The following SLC22A23 variants were observed in gnomAD, a reference collection of about 807,000 sequenced individuals.
The protein encoded by SLC22A23 is ion transporter protein.
In SLC22A23, 26 loss-of-function variants were observed where a neutral mutation model predicts 61.0. The ratio of observed to expected loss-of-function variants is 0.43; its 90% CI spans 0.31 to 0.59. SLC22A23 has a LOEUF of 0.59. Ranked by LOEUF, SLC22A23 falls within the 20% of genes least tolerant of loss-of-function variation. SLC22A23 has a pLI of 0.11. For missense variants in SLC22A23, 796 were observed against 934.7 expected, an observed-to-expected ratio of 0.85 and a Z score of 1.94; for synonymous variants, 430 against 413.9, an observed-to-expected ratio of 1.04 and a Z score of -0.47.
In SLC22A23 at chr6:3,300,334, G is replaced by C. The variant is rs547968356; in HGVS notation, c.1083-2116C>G. Reference sequence around the variant, plus strand: ...TCAGGAGAGTTTTAAAATGAATCTAGCAGCTAGAAAAAGTATTAATGGTGT... The same window carrying C: ...TCAGGAGAGTTTTAAAATGAATCTACCAGCTAGAAAAAGTATTAATGGTGT... On this transcript the variant is annotated intron_variant, in intron 4 of 9. Transcript: ENST00000406686. Among the ~76,000 whole-genome samples, 4 of 152,212 alleles carry C rather than the reference G, an allele frequency of 2.6e-5. 1 individual carries two copies. The South Asian group carries it at 8.3e-4, about 32-fold the overall frequency.
intron 3 of SLC22A23, among the ~76,000 whole-genome samples, chr6:3,368,500 T>A (rs1037660921): frequency 5.9e-5 from 9 of 152,218 alleles, no homozygotes; most frequent in Admixed American, 5.9e-4. Flanking sequence ...AAAATATTCA[T>A]AAGATTCAGA....
At chr6:3,368,206 C>T (rs1424367686) in intron 3 of SLC22A23, among the ~76,000 whole-genome samples, 1 of 152,170 alleles carries the variant, frequency 6.6e-6, no homozygotes, top group African/African-American at 2.4e-5. Flanking sequence ...GATACGTTCC[C>T]CTCTCCAGCC....
intron 3 of SLC22A23, among the ~76,000 whole-genome samples, chr6:3,406,323 A>C (rs897631297): frequency 6.6e-6 from 1 of 152,186 alleles, no homozygotes; most frequent in South Asian, 2.1e-4. Context: ...TCACAGTGCT[A>C]TATTACCTTG....
At chr6:3,277,890 CAG>C (rs1233901957) in intron 9 of SLC22A23, among the ~76,000 whole-genome samples, 1 of 152,238 alleles carries the variant, frequency 6.6e-6, no homozygotes, top group Non-Finnish European at 1.5e-5. Flanking sequence ...TTCCAAAAGG[CAG>C]ATTCTAGCAG....
At chr6:3,341,974 C>A (rs1419472444) in intron 3 of SLC22A23, among the ~76,000 whole-genome samples, 1 of 152,010 alleles carries the variant, frequency 6.6e-6, no homozygotes. Flanking sequence ...ATCTATATTT[C>A]GATTCATGGA....
chr6:3,314,417 A>G (rs1581675647), intron 4 of SLC22A23, among the ~76,000 whole-genome samples: 1 of 152,276 alleles, frequency 6.6e-6, no homozygotes, highest in East Asian at 1.9e-4. Flanking sequence ...CTTACTAGCC[A>G]TGGGGCGTCA....
chr6:3,444,232 C>T (rs901709614), intron 1 of SLC22A23, among the ~76,000 whole-genome samples: 2 of 152,170 alleles, frequency 1.3e-5, no homozygotes, highest in African/African-American at 4.8e-5. Context: ...CTCTAAATCA[C>T]TTGTGTGGAG....
rs1445476973 is a variant in SLC22A23, at chr6:3,371,256, A to G, written c.913+38932T>C. ...TGCAAACTTTTCCAGAAAGAAAGCC[A>G]AATGGCAAATATTTTAGGTGCTGCA... On this transcript the variant is annotated intron_variant, in intron 3 of 9. Coordinates refer to ENST00000406686, the MANE Select transcript of SLC22A23 (RefSeq NM_015482.2). Among the ~76,000 whole-genome samples, 8 of 152,392 alleles carry G rather than the reference A, an allele frequency of 5.2e-5. No individual in the cohort carries two copies. The East Asian group carries it at 9.6e-4, about 18-fold the overall frequency.
At chr6:3,294,258 T>C (rs907358415) in intron 5 of SLC22A23, among the ~76,000 whole-genome samples, 1 of 151,970 alleles carries the variant, frequency 6.6e-6, no homozygotes, top group Non-Finnish European at 1.5e-5. Flanking sequence ...ACTTTTTGCT[T>C]ATCTTACTAC....
chr6:3,412,788 G>C (rs1446982424), intron 2 of SLC22A23, among the ~76,000 whole-genome samples: 1 of 152,236 alleles, frequency 6.6e-6, no homozygotes, highest in Non-Finnish European at 1.5e-5. Flanking sequence ...CAGGGAACCA[G>C]AGAGGTAGTG....
In SLC22A23 at chr6:3,390,995, AT is replaced by A. The variant is rs1767626801; in HGVS notation, c.913+19192del. On this transcript the variant is annotated intron_variant, in intron 3 of 9. Coordinates refer to ENST00000406686, the MANE Select transcript of SLC22A23 (RefSeq NM_015482.2). This position sits in a 1 kb window ranked among gnomAD's most constrained non-coding sequence, Gnocchi z 4.0. ...AATCATACCCTGACTCATTAGAGTG[AT>A]GAAAAATTTCTCAAACTTACCAAAA... 6.6e-6 allele frequency among the ~76,000 whole-genome samples: 1 copy of A among 152,222 alleles called. No homozygotes were observed. Among genetic ancestry groups the A allele is most frequent in the South Asian group, 2.1e-4 (1 of 4,824 alleles).
At chr6:3,332,228 G>A (rs1182752425) in intron 3 of SLC22A23, among the ~76,000 whole-genome samples, 1 of 152,178 alleles carries the variant, frequency 6.6e-6, no homozygotes, top group Non-Finnish European at 1.5e-5. Flanking sequence ...CTCATCATCA[G>A]TGTCATCATC....
rs567706114 is a variant in SLC22A23 at position 3,446,187 on chromosome 6, G to T, written c.654+9719C>A. 1.2e-4 allele frequency among the ~76,000 whole-genome samples: 19 copies of T among 152,268 alleles called. 1 individual carries two copies. The highest frequency in any genetic ancestry group is 6.2e-4 in the South Asian group (3 of 4,822). On this transcript the variant is annotated intron_variant, in intron 1 of 9. Transcript: ENST00000406686. ...CAGCGCCAGGGAGAAGTCACAAAGG[G>T]TGGGAGCCCCTGCCAGCCCTTCCCA...
Position 3,427,582 on chromosome 6 carries a change from C to T in SLC22A23, c.655-11727G>A, listed in dbSNP as rs1770585076. ...GGAGCAGGTCCAGGTCTACCCGGGG[C>T]TCTACCGTGCTTTCAGGTCCTCCCA... On this transcript the variant is annotated intron_variant, in intron 1 of 9. Transcript: ENST00000406686. This position sits in a 1 kb window ranked among gnomAD's most constrained non-coding sequence, Gnocchi z 4.3. 6.6e-6 allele frequency among the ~76,000 whole-genome samples: 1 copy of T among 152,130 alleles called. No individual in the cohort carries two copies. The highest frequency in any genetic ancestry group is 6.5e-5 in the Admixed American group (1 of 15,272).
intron 3 of SLC22A23, among the ~76,000 whole-genome samples, chr6:3,343,927 T>C (rs1764284901): frequency 6.6e-6 from 1 of 152,208 alleles, no homozygotes; most frequent in East Asian, 1.9e-4. Context: ...TTTTCTCAAG[T>C]AAATTTTAGA....
intron 3 of SLC22A23, among the ~76,000 whole-genome samples, chr6:3,369,552 G>A (rs977769424): frequency 4.6e-5 from 7 of 152,032 alleles, no homozygotes; most frequent in East Asian, 1.9e-4. Flanking sequence ...TTAGCCGGGC[G>A]TGGTGGCGTG....
intron 1 of SLC22A23, among the ~76,000 whole-genome samples, chr6:3,429,612 T>G (rs962373196): frequency 6.6e-6 from 1 of 152,192 alleles, no homozygotes; most frequent in African/African-American, 2.4e-5. Flanking sequence ...CCCATGTTCA[T>G]AGCAGCCCTA....
intron 3 of SLC22A23, among the ~76,000 whole-genome samples, chr6:3,346,941 G>C (rs1221143525): frequency 6.6e-6 from 1 of 152,116 alleles, no homozygotes; most frequent in Non-Finnish European, 1.5e-5. Context: ...ATTAAACAAA[G>C]ATACTATGGG....
intron 2 of SLC22A23, among the ~76,000 whole-genome samples, chr6:3,411,241 G>T (rs139813942): frequency 6.6e-6 from 1 of 152,122 alleles, no homozygotes; most frequent in African/African-American, 2.4e-5. Flanking sequence ...CATCAAACAC[G>T]ATTGGCTTGG....
Sources: gnomAD v4.1 joint callset for allele counts (sites outside exome capture counted in the v4.1 genomes callset) on GRCh38, gnomAD v4.1.1 for gene constraint, Gnocchi (gnomAD v3.1) non-coding constraint, MANE v1.5 for transcripts, NCBI Gene and HGNC (gene_info 2026-07-23, HGNC 2026-07-21) for gene names.